FAM135B: variants seen among roughly 807,000 people sequenced by gnomAD.
FAM135B encodes the protein family with sequence similarity 135 member B.
In FAM135B, 43 loss-of-function variants were observed where a neutral mutation model predicts 127.7. The observed-to-expected ratio is 0.34, with a 90% confidence interval of 0.26 to 0.43. FAM135B has a LOEUF of 0.43. FAM135B is among the 20% of genes least tolerant of loss of function. FAM135B has a pLI of 1.00. For synonymous variants in FAM135B, 670 were observed against 665.1 expected (o/e 1.01, Z -0.11); for missense variants, 1,558 against 1,725.6 (o/e 0.90, Z 1.72).
In FAM135B at chr8:138,243,142, A is replaced by T. The variant is rs2130390241; in HGVS notation, c.543-74T>A. 6.6e-7 allele frequency: 1 copy of T among 1,523,568 alleles called. No homozygotes were observed. The highest frequency in any genetic ancestry group is 8.8e-7 in the Non-Finnish European group (1 of 1,134,476). 94.4% of individuals were successfully genotyped at this position (1,523,568 alleles called of 1,614,324 possible). ...TGGTGCCATTAACTCAGCCCCTTTG[A>T]GGAGTGTTCCTGTGAAGCATTTGGG... On this transcript the variant is annotated intron_variant, in intron 6 of 19. Transcript: ENST00000395297. The surrounding 1 kb of genome is among the most constrained non-coding windows in gnomAD (Gnocchi z 7.5).
intron 7 of FAM135B, among the ~76,000 whole-genome samples, chr8:138,219,270 C>A (rs76276399): frequency 0.027 from 4,149 of 152,188 alleles, 114 homozygotes; most frequent in East Asian, 0.14. Context: ...TTTGGTTTTG[C>A]TTATTTTTCA....
intron 1 of FAM135B, among the ~76,000 whole-genome samples, chr8:138,443,652 G>A (rs1003707364): frequency 6.6e-6 from 1 of 152,146 alleles, no homozygotes; most frequent in African/African-American, 2.4e-5. Flanking sequence ...CCAATACTGG[G>A]AATTAGAGAG....
intron 3 of FAM135B, among the ~76,000 whole-genome samples, chr8:138,279,819 T>C (rs1346319401): frequency 2.0e-5 from 3 of 152,306 alleles, no homozygotes; most frequent in African/African-American, 7.2e-5. Flanking sequence ...CTTAAGGGCA[T>C]AGACATTAAG....
intron 9 of FAM135B, among the ~76,000 whole-genome samples, chr8:138,187,934 A>G (rs1324075653): frequency 6.6e-6 from 1 of 152,180 alleles, no homozygotes; most frequent in Non-Finnish European, 1.5e-5. Context: ...AATTGTGTCT[A>G]ATATCAGGGA....
intron 2 of FAM135B, among the ~76,000 whole-genome samples, chr8:138,353,973 C>T (rs777467386): frequency 6.6e-6 from 1 of 152,098 alleles, no homozygotes; most frequent in Non-Finnish European, 1.5e-5. Context: ...GACTAATTCA[C>T]CCAAGGGAAC....
chr8:138,237,535 C>A (rs534555170), intron 7 of FAM135B, among the ~76,000 whole-genome samples: 1 of 152,262 alleles, frequency 6.6e-6, no homozygotes, highest in Non-Finnish European at 1.5e-5. Flanking sequence ...TATGTCTCAA[C>A]CTTGCCAGTT....
chr8:138,206,108 A>T (rs1221369998), intron 7 of FAM135B, among the ~76,000 whole-genome samples: 1 of 70,840 alleles, frequency 1.4e-5, no homozygotes, highest in Non-Finnish European at 2.8e-5. Flanking sequence ...CTCCAGCATC[A>T]CCTCCACCTA....
chr8:138,293,699 C>T (rs1825281983), intron 3 of FAM135B, among the ~76,000 whole-genome samples: 1 of 152,036 alleles, frequency 6.6e-6, no homozygotes, highest in African/African-American at 2.4e-5. Context: ...CAATGAGATA[C>T]CACCTTACCC....
At chr8:138,263,341 G>A (rs1822683225) in intron 4 of FAM135B, among the ~76,000 whole-genome samples, 1 of 152,086 alleles carries the variant, frequency 6.6e-6, no homozygotes, top group Non-Finnish European at 1.5e-5. Flanking sequence ...GGAGCCTGGG[G>A]AGTGAACAGT....
intron 4 of FAM135B, among the ~76,000 whole-genome samples, chr8:138,261,596 CTTCCCAAATCTTCTGTGGGA>C (rs1265690201): frequency 3.3e-5 from 5 of 152,310 alleles, no homozygotes; most frequent in Admixed American, 1.3e-4. Flanking sequence ...TTTTGTAAGG[CTTCCCAAATCTTCTGTGGGA>C]TTACGCAGAG....
chr8:138,287,874 C>G (rs1272138045), intron 3 of FAM135B, among the ~76,000 whole-genome samples: 1 of 152,180 alleles, frequency 6.6e-6, no homozygotes. Context: ...CACTGACGCA[C>G]AGTAAGAAAT....
intron 1 of FAM135B, among the ~76,000 whole-genome samples, chr8:138,406,231 T>A (rs563717014): frequency 6.6e-6 from 1 of 152,162 alleles, no homozygotes; most frequent in African/African-American, 2.4e-5. Flanking sequence ...TAGATCCCAT[T>A]TGTCAATTTT....
At chr8:138,407,563 T>C (rs936155325) in intron 1 of FAM135B, among the ~76,000 whole-genome samples, 2 of 152,108 alleles carry the variant, frequency 1.3e-5, no homozygotes, top group Non-Finnish European at 2.9e-5. Flanking sequence ...AACAGTGACA[T>C]AGATCAATGG....
In FAM135B at chr8:138,249,496, C is replaced by G. The variant is rs149047140; in HGVS notation, c.542+1345G>C. Among the ~76,000 whole-genome samples the G allele has an allele frequency of 2.6e-3, 396 of 152,312 alleles. 3 individuals carry two copies. Among genetic ancestry groups the G allele is most frequent in the Non-Finnish European group, 4.5e-3 (309 of 68,034 alleles). ...CATAGTAGAATGTACTGCATATTCA[C>G]TTACACTTTCCCTAGAGCACAGCAG... On this transcript the variant is annotated intron_variant, in intron 6 of 19. Coordinates refer to ENST00000395297, the MANE Select transcript of FAM135B (RefSeq NM_015912.4).
chr8:138,153,183 A>C lies in FAM135B; in HGVS notation c.1292T>G (p.Val431Gly). 6.3e-7 allele frequency: 1 copy of C among 1,590,394 alleles called. No homozygotes were observed. Residue 431 changes from valine (V) to glycine (G), a missense_variant, in exon 13 of 20, where the codon GTT becomes GGT. Around this residue, in one of 5 missense-constraint regions of FAM135B, gnomAD observed 923 missense variants for 865.3 expected, o/e 1.07. Coordinates refer to ENST00000395297, the MANE Select transcript of FAM135B (RefSeq NM_015912.4). ...HNLSVYPNFD[V>G]PVTSPTIMNL... ...CATTATTGTAGGACTTGTCACTGGA[A>C]CATCAAAATTAGGATAAACACTCAA...
At chr8:138,326,521 A>G (rs1827806282) in intron 2 of FAM135B, among the ~76,000 whole-genome samples, 1 of 152,124 alleles carries the variant, frequency 6.6e-6, no homozygotes, top group Admixed American at 6.5e-5. Flanking sequence ...TTTGTCGTGC[A>G]ATATCACACT....
chr8:138,351,980 A>ACGTT (rs1377011653), intron 2 of FAM135B, among the ~76,000 whole-genome samples: 2 of 152,116 alleles, frequency 1.3e-5, no homozygotes, highest in African/African-American at 4.8e-5. Flanking sequence ...GTAAGCCACT[A>ACGTT]CGTTCGACCA....
chr8:138,430,477 G>A (rs1835136728), intron 1 of FAM135B, among the ~76,000 whole-genome samples: 1 of 152,200 alleles, frequency 6.6e-6, no homozygotes, highest in Admixed American at 6.5e-5. Context: ...CATCCAGCTT[G>A]GGAGCTCTCA....
chr8:138,274,442 C>T (rs1201021088), intron 3 of FAM135B, among the ~76,000 whole-genome samples: 1 of 152,136 alleles, frequency 6.6e-6, no homozygotes, highest in Non-Finnish European at 1.5e-5. Context: ...TATCACAAGG[C>T]AAGTGGAGGC....
Sources: gnomAD v4.1 joint callset for allele counts (sites outside exome capture counted in the v4.1 genomes callset) on GRCh38, gnomAD v4.1.1 for gene constraint, gnomAD v4.1.1 regional missense constraint, Gnocchi (gnomAD v3.1) non-coding constraint, MANE v1.5 for transcripts, NCBI Gene and HGNC (gene_info 2026-07-23, HGNC 2026-07-21) for gene names.